Variants in KIF3C observed in about 807,000 individuals in gnomAD.
KIF3C encodes kinesin family member 3C.
A neutral mutation model predicts 67.7 loss-of-function variants in KIF3C; 12 were observed. The ratio of observed to expected loss-of-function variants is 0.18; its 90% CI spans 0.11 to 0.29. The LOEUF (loss-of-function observed/expected upper bound fraction) is 0.29, where lower values mean the gene tolerates loss of function less well. KIF3C is among the 10% of genes least tolerant of loss of function. KIF3C has a pLI of 1.00. For synonymous variants in KIF3C, 393 were observed against 426.2 expected, an observed-to-expected ratio of 0.92 and a Z score of 0.96; for missense variants, 789 against 1,059.6, an observed-to-expected ratio of 0.74 and a Z score of 3.55.
At chr2:25,937,210 G>A (rs562395512) in intron 5 of KIF3C, among the ~76,000 whole-genome samples, 18 of 152,224 alleles carry the variant, frequency 1.2e-4, no homozygotes, top group Admixed American at 7.9e-4. Flanking sequence ...GAAACAGGCC[G>A]AGTAACTCAA....
chr2:25,952,079 CAGG>C (rs1490255146), intron 4 of KIF3C, among the ~76,000 whole-genome samples, 174 bp from the exon 5 acceptor site: 2 of 152,266 alleles, frequency 1.3e-5, no homozygotes, highest in East Asian at 3.9e-4. Flanking sequence ...ATCACGAGGT[CAGG>C]AGATCAAGAC....
At chr2:25,970,667 C>CAAAAAAAA (rs397984116) in intron 1 of KIF3C, among the ~76,000 whole-genome samples, 2 of 54,780 alleles carry the variant, frequency 3.7e-5, no homozygotes, top group Admixed American at 2.3e-4. Flanking sequence ...AACTTTGTCT[C>CAAAAAAAA]AAAAAAAAAA....
intron 1 of KIF3C, among the ~76,000 whole-genome samples, chr2:25,959,565 A>T (rs1270830736): frequency 6.6e-6 from 1 of 151,772 alleles, no homozygotes. Context: ...TCAGCCTCCC[A>T]CGTAGCTGAG....
rs144012845 is a variant in KIF3C at position 25,929,381 on chromosome 2, G to A, written c.2212C>T (p.His738Tyr). The A allele has an allele frequency of 5.0e-5, 80 of 1,614,126 alleles. No homozygotes were observed. The East Asian group carries it at 1.2e-3, about 24-fold the overall frequency. The change falls in exon 7 of 8, where the codon CAC becomes TAC. Residue 738 changes from histidine to tyrosine, a missense_variant. This residue lies in a region of KIF3C where 648 missense variants were observed against 807.8 expected (regional missense o/e 0.80). Transcript: ENST00000264712. ...HDQEQDPRALHMERLMRLDSF... is the reference protein window; with the variant it reads ...HDQEQDPRALYMERLMRLDSF... ...TCCAATCGCATGAGCCTCTCCATGT[G>A]TAGCGCACGAGGGTCTTGTTCTTGG...
At chr2:25,965,834 G>T (rs528849980) in intron 1 of KIF3C, among the ~76,000 whole-genome samples, 1 of 152,160 alleles carries the variant, frequency 6.6e-6, no homozygotes, top group African/African-American at 2.4e-5. Context: ...CTATAGGTGG[G>T]TGGGCCTGGG....
In KIF3C at chr2:25,963,020, A is replaced by ATATAAT. The variant is rs1242526812; in HGVS notation, c.1546-6577_1546-6576insATTATA. Among the ~76,000 whole-genome samples the ATATAAT allele has an allele frequency of 7.6e-4, 24 of 31,526 alleles. 4 individuals are homozygous for ATATAAT. The highest frequency in any genetic ancestry group is 2.4e-3 in the South Asian group (3 of 1,252). 20.7% of individuals were successfully genotyped at this position (31,526 alleles called of 152,430 possible). Reference sequence around the variant, plus strand: ...ATAATATATAATATATAATATATATAATATATAATATATAATATATAATAT... The same window carrying ATATAAT: ...ATAATATATAATATATAATATATATATATAATATATATAATATATAATATATAATAT... On this transcript the variant is annotated intron_variant, in intron 1 of 7. Transcript: ENST00000264712.
In KIF3C at chr2:25,982,122, G is replaced by C; in HGVS notation, c.-205C>G. 2.0e-6 allele frequency: 1 copy of C among 501,290 alleles called. No homozygotes were observed. Among genetic ancestry groups the C allele is most frequent in the Non-Finnish European group, 3.5e-6 (1 of 284,842 alleles). 31.1% of individuals were successfully genotyped at this position (501,290 alleles called of 1,614,324 possible). ...CCTCCACCGCTCTCCGGTCCTCTCTGCACCGGCTGGGAGGTGAATTAGGCA... is the reference window on the plus strand; with the variant it reads ...CCTCCACCGCTCTCCGGTCCTCTCTCCACCGGCTGGGAGGTGAATTAGGCA... On this transcript the variant is annotated 5_prime_UTR_variant, in exon 1 of 8. Coordinates refer to ENST00000264712, the MANE Select transcript of KIF3C (RefSeq NM_002254.8).
chr2:25,940,916 G>C (rs999970165), intron 5 of KIF3C, among the ~76,000 whole-genome samples: 4 of 151,958 alleles, frequency 2.6e-5, no homozygotes, highest in African/African-American at 9.7e-5. Flanking sequence ...GCCTCCCAAA[G>C]TGCTGGGATT....
chr2:25,962,850 A>ATT (rs1553715887), intron 1 of KIF3C, among the ~76,000 whole-genome samples: 1 of 55,622 alleles, frequency 1.8e-5, no homozygotes, highest in African/African-American at 1.0e-4. Context: ...TATAATATAT[A>ATT]ATATAATATA....
At chr2:25,967,706 AT>A (rs1335808021) in intron 1 of KIF3C, among the ~76,000 whole-genome samples, 1 of 152,168 alleles carries the variant, frequency 6.6e-6, no homozygotes, top group Non-Finnish European at 1.5e-5. Context: ...CATCTCTGTA[AT>A]CTCATCTACT....
intron 1 of KIF3C, among the ~76,000 whole-genome samples, chr2:25,962,769 AAATAT>A (rs1178194408): frequency 2.8e-5 from 3 of 107,890 alleles, no homozygotes; most frequent in African/African-American, 1.1e-4. Flanking sequence ...TATATATATA[AAATAT>A]ATGTTATATA....
At chr2:25,947,504 C>A (rs1222628912) in intron 5 of KIF3C, among the ~76,000 whole-genome samples, 1 of 151,790 alleles carries the variant, frequency 6.6e-6, no homozygotes, top group Admixed American at 6.6e-5. Flanking sequence ...TGGCGTGAAC[C>A]CGGGAGGTGG....
chr2:25,942,443 T>C (rs1466309543), intron 5 of KIF3C, among the ~76,000 whole-genome samples: 2 of 151,516 alleles, frequency 1.3e-5, no homozygotes, highest in East Asian at 3.9e-4. Context: ...GGAGTTTCAC[T>C]CTTGTTGCCC....
Position 25,955,446 on chromosome 2 carries a change from A to G in KIF3C, c.1770+95T>C. The stretch of plus-strand genomic sequence containing the variant: ...TGTCACTCAGGGGTTCAGCAGTTCC[A>G]GCCAAATGGGGAGGAGTCCCTGAAG... On this transcript the variant is annotated intron_variant, in intron 3 of 7. Coordinates refer to ENST00000264712, the MANE Select transcript of KIF3C (RefSeq NM_002254.8). This position sits in a 1 kb window ranked among gnomAD's most constrained non-coding sequence, Gnocchi z 5.0. 6.7e-7 allele frequency: 1 copy of G among 1,483,076 alleles called. No homozygotes were observed. Among genetic ancestry groups the G allele is most frequent in the Middle Eastern group, 1.8e-4 (1 of 5,642 alleles). The allele number at this position is 1,483,076 out of a possible 1,614,324, so 91.9% of individuals were successfully genotyped here. A position where few individuals can be genotyped will look rare whatever the true frequency, so the allele number is the denominator to read the frequency against.
At chr2:25,968,900 C>G (rs62129487) in intron 1 of KIF3C, among the ~76,000 whole-genome samples, 5 of 152,004 alleles carry the variant, frequency 3.3e-5, no homozygotes, top group Non-Finnish European at 7.4e-5. Flanking sequence ...CTCGGCTCAC[C>G]GCAACATCCG....
intron 5 of KIF3C, among the ~76,000 whole-genome samples, chr2:25,935,097 A>G (rs574455727): frequency 1.3e-4 from 20 of 152,152 alleles, no homozygotes; most frequent in African/African-American, 4.6e-4. Context: ...TACAAAAATT[A>G]GCCGGGCATG....
intron 4 of KIF3C, 40 bp downstream of exon 4, chr2:25,954,227 G>T: frequency 6.9e-7 from 1 of 1,443,422 alleles, no homozygotes; most frequent in Non-Finnish European, 9.8e-7. Context: ...AATGATGGCT[G>T]GCTGTGGGGA....
intron 1 of KIF3C, among the ~76,000 whole-genome samples, chr2:25,971,908 G>C (rs879522897): frequency 3.1e-5 from 1 of 32,728 alleles, no homozygotes; most frequent in African/African-American, 1.2e-4. Context: ...TTACTTTTTT[G>C]TAGAGATGGG....
intron 4 of KIF3C, among the ~76,000 whole-genome samples, chr2:25,952,549 G>GTA (rs796400757): frequency 1.9e-4 from 13 of 68,136 alleles, no homozygotes; most frequent in Admixed American, 1.0e-3. Context: ...GTGTGTGTGT[G>GTA]TATATATATA....
Sources: gnomAD v4.1 joint callset for allele counts (sites outside exome capture counted in the v4.1 genomes callset) on GRCh38, gnomAD v4.1.1 for gene constraint, gnomAD v4.1.1 regional missense constraint, Gnocchi (gnomAD v3.1) non-coding constraint, MANE v1.5 for transcripts, NCBI Gene and HGNC (gene_info 2026-07-23, HGNC 2026-07-21) for gene names.